The following FSIP2 variants were observed in gnomAD, a reference collection of about 807,000 sequenced individuals.
FSIP2 encodes the protein fibrous sheath interacting protein 2.
In FSIP2, 367 loss-of-function variants were observed where a neutral mutation model predicts 510.5. That is an observed-to-expected ratio of 0.72 (90% confidence interval 0.66 to 0.78). The LOEUF (loss-of-function observed/expected upper bound fraction) is 0.78, where lower values mean the gene tolerates loss of function less well. Ranked by LOEUF, FSIP2 falls within the 30% of genes least tolerant of loss-of-function variation. The probability of loss-of-function intolerance (pLI) is 0.00; values close to 1 mark genes in which losing one functional copy is unlikely to be tolerated. For missense variants in FSIP2, 7,594 were observed against 7,901.7 expected (o/e 0.96, Z 1.48); for synonymous variants, 2,601 against 2,732.2 (o/e 0.95, Z 1.50).
Position 185,808,974 on chromosome 2 carries a change from G to A in FSIP2, c.19668G>A (p.Gln6556=), listed in dbSNP as rs1693663040. The A allele has an allele frequency of 6.2e-7, 1 of 1,611,956 alleles. No homozygotes were observed. The highest frequency in any genetic ancestry group is 8.5e-7 in the Non-Finnish European group (1 of 1,179,276). The change falls in exon 17 of 23, where the codon CAG becomes CAA. Residue 6556 remains glutamine, a synonymous_variant. Coordinates refer to ENST00000424728, the MANE Select transcript of FSIP2 (RefSeq NM_173651.4). ...IKTQPLEKLK[Q]ECLKRTGHSI... ...CTCAACCTCTTGAGAAACTTAAGCA[G>A]GAGTGTTTGAAAAGAACTGGACATA...
Position 185,799,838 on chromosome 2 carries a change from C to A in FSIP2, c.10532C>A (p.Thr3511Asn). 6.5e-7 allele frequency: 1 copy of A among 1,532,608 alleles called. No individual in the cohort carries two copies. Among genetic ancestry groups the A allele is most frequent in the Non-Finnish European group, 8.7e-7 (1 of 1,144,572 alleles). 94.9% of individuals were successfully genotyped at this position (1,532,608 alleles called of 1,614,324 possible). Reference protein sequence around the residue: ...HLTESVLYHLTSSISDGTKKG... With the variant: ...HLTESVLYHLNSSISDGTKKG... Reference sequence around the variant, plus strand: ...ACTGAGTCAGTACTTTACCATTTAACTTCGAGCATTTCTGATGGCACCAAA... The same window carrying A: ...ACTGAGTCAGTACTTTACCATTTAAATTCGAGCATTTCTGATGGCACCAAA... The change falls in exon 17 of 23, where the codon ACT becomes AAT. Residue 3511 changes from threonine (T) to asparagine (N), a missense_variant. Coordinates refer to ENST00000424728, the MANE Select transcript of FSIP2 (RefSeq NM_173651.4).
chr2:185,827,628 C>CT (rs1252347653), intron 20 of FSIP2, among the ~76,000 whole-genome samples: 2 of 151,896 alleles, frequency 1.3e-5, no homozygotes, highest in East Asian at 3.9e-4. Context: ...ATTCAGACAA[C>CT]TTTTGGTTCT....
At chr2:185,798,741 TAAAC>T (rs1488087787) in intron 16 of FSIP2, among the ~76,000 whole-genome samples, 2 of 151,740 alleles carry the variant, frequency 1.3e-5, no homozygotes, top group Non-Finnish European at 2.9e-5. Flanking sequence ...TTCAGAAAAA[TAAAC>T]AAAAGCAAAA....
At chr2:185,752,627 C>CCATG (rs1160476314) in intron 7 of FSIP2, among the ~76,000 whole-genome samples, 1 of 151,340 alleles carries the variant, frequency 6.6e-6, no homozygotes, top group Non-Finnish European at 1.5e-5. Flanking sequence ...ATTAATACAT[C>CCATG]CATGGTATTG....
rs1457664747 is a variant in FSIP2 at position 185,800,913 on chromosome 2, A to C, written c.11607A>C (p.Ala3869=). The change falls in exon 17 of 23, where the codon GCA becomes GCC. Residue 3869 remains alanine, a synonymous_variant. Coordinates refer to ENST00000424728, the MANE Select transcript of FSIP2 (RefSeq NM_173651.4). The part of the protein sequence containing the change: ...IQQAPESLPF[A]NKHLNYRTRE... ...AAGCTCCGGAAAGTCTACCTTTTGC[A>C]AATAAGCATTTGAACTACAGAACAA... 1 of 1,532,696 alleles carries C rather than the reference A, an allele frequency of 6.5e-7. No individual in the cohort carries two copies. The highest frequency in any genetic ancestry group is 1.2e-5 in the South Asian group (1 of 83,670). The allele number at this position is 1,532,696 out of a possible 1,614,324, so 94.9% of individuals were successfully genotyped here.
Position 185,793,308 on chromosome 2 carries a change from A to C in FSIP2, c.6172A>C (p.Asn2058His), listed in dbSNP as rs916512827. ...IISRKGKCDK[N>H]SSDKEIDLDQ... is the part of the protein sequence containing the mutation. ...ATCACGTAAAGGCAAATGTGACAAA[A>C]ACAGTTCTGACAAAGAGATCGATTT... Residue 2058 changes from asparagine to histidine, a missense_variant, in exon 16 of 23, where the codon AAC (asparagine) becomes CAC (histidine). Transcript: ENST00000424728. 6.5e-7 allele frequency: 1 copy of C among 1,534,316 alleles called. No homozygotes were observed. The highest frequency in any genetic ancestry group is 8.7e-7 in the Non-Finnish European group (1 of 1,145,664).
intron 1 of FSIP2, 106 bp downstream of exon 1, chr2:185,739,099 C>G (rs1691864476): frequency 2.2e-6 from 3 of 1,367,898 alleles, no homozygotes; most frequent in South Asian, 3.0e-5. Flanking sequence ...CAACTGTCCC[C>G]CGTCAGGAGG....
In FSIP2 at chr2:185,792,242, G is replaced by C. The variant is rs1173136492; in HGVS notation, c.5106G>C (p.Gly1702=). ...TGTTTAATGAAATGGAATCTGAAGG[G>C]GGAGGCATTGAAACTTATCGATACA... The part of the protein sequence containing the change: ...SDMFNEMESE[G]GGIETYRYRP... The change falls in exon 16 of 23, where the codon GGG becomes GGC. Residue 1702 remains glycine, a synonymous_variant. Transcript: ENST00000424728. 6.5e-7 allele frequency: 1 copy of C among 1,533,098 alleles called. No homozygotes were observed. Among genetic ancestry groups the C allele is most frequent in the East Asian group, 2.4e-5 (1 of 40,826 alleles). 95.0% of individuals were successfully genotyped at this position (1,533,098 alleles called of 1,614,324 possible). A position where few individuals can be genotyped will look rare whatever the true frequency, so the allele number is the denominator to read the frequency against.
intron 13 of FSIP2, among the ~76,000 whole-genome samples, chr2:185,780,835 C>T (rs1692834269): frequency 6.6e-6 from 1 of 152,060 alleles, no homozygotes. Flanking sequence ...TTTACATACG[C>T]TGCTGCCAGT....
rs778247356 is a variant in FSIP2, at chr2:185,770,870, C to T, written c.1411+6305C>T. 3.3e-5 allele frequency among the ~76,000 whole-genome samples: 5 copies of T among 152,176 alleles called. No homozygotes were observed. In the East Asian group the frequency reaches 5.8e-4, roughly 18 times the overall value. ...TTCTGAAATCAAAAACATGTTATTA[C>T]ATCCAAGATACTATGGTGGTACAGG... On this transcript the variant is annotated intron_variant, in intron 13 of 22. Coordinates refer to ENST00000424728, the MANE Select transcript of FSIP2 (RefSeq NM_173651.4).
rs1691877392 is a variant in FSIP2, at chr2:185,739,477, C to G, written c.225+6C>G. 6.7e-7 allele frequency: 1 copy of G among 1,494,452 alleles called. No individual in the cohort carries two copies. Among genetic ancestry groups the G allele is most frequent in the Non-Finnish European group, 8.9e-7 (1 of 1,125,836 alleles). 92.6% of individuals were successfully genotyped at this position (1,494,452 alleles called of 1,614,324 possible). On this transcript the variant is annotated splice_donor_region_variant and intron_variant, in intron 2 of 22. Coordinates refer to ENST00000424728, the MANE Select transcript of FSIP2 (RefSeq NM_173651.4). The stretch of plus-strand genomic sequence containing the variant: ...CTACGAATTTCGGTGAAAAGGTGAA[C>G]AAGTTTTTATCGTCTTTCTTTCCTT...
At chr2:185,742,861 T>C (rs1285584023) in intron 2 of FSIP2, among the ~76,000 whole-genome samples, 1 of 152,174 alleles carries the variant, frequency 6.6e-6, no homozygotes, top group Non-Finnish European at 1.5e-5. Context: ...TTTCCTCTTC[T>C]CTTTTCTTAT....
At chr2:185,819,393 T>C (rs13012220) in intron 19 of FSIP2, among the ~76,000 whole-genome samples, 47,638 of 151,636 alleles carry the variant, frequency 0.31, 7,792 homozygotes, top group Middle Eastern at 0.41. Context: ...TCAAAAGAGA[T>C]AGAATGACAA....
intron 7 of FSIP2, among the ~76,000 whole-genome samples, chr2:185,749,494 G>T (rs1692101282): frequency 2.0e-5 from 3 of 151,802 alleles, no homozygotes; most frequent in African/African-American, 7.3e-5. Context: ...TATTCATCTT[G>T]TGTCTTGCAT....
At position 185,800,500 on chromosome 2, in the gene FSIP2, A is replaced by T. The variant is rs1324462685; in HGVS notation, c.11194A>T (p.Asn3732Tyr). Residue 3732 changes from asparagine (N) to tyrosine (Y), a missense_variant, in exon 17 of 23, where the codon AAT becomes TAT. Physicochemically the swap from Asn to Tyr is moderately radical, Grantham distance 143. Coordinates refer to ENST00000424728, the MANE Select transcript of FSIP2 (RefSeq NM_173651.4). ...IQRTYFYSSN[N>Y]EQPNSILTNN... The stretch of plus-strand genomic sequence containing the variant: ...AAGAACATATTTCTACTCCTCGAAT[A>T]ATGAGCAACCTAATAGCATACTTAC... 6.5e-7 allele frequency: 1 copy of T among 1,533,336 alleles called. No homozygotes were observed. 95.0% of individuals were successfully genotyped at this position (1,533,336 alleles called of 1,614,324 possible). A position where few individuals can be genotyped will look rare whatever the true frequency, so the allele number is the denominator to read the frequency against.
chr2:185,801,385 C>T lies in FSIP2; in HGVS notation c.12079C>T (p.Arg4027Trp), dbSNP rs1038299138. Residue 4027 changes from arginine to tryptophan, a missense_variant, in exon 17 of 23, where the codon CGG becomes TGG. Arg to Trp is a moderately radical substitution (Grantham distance 101, BLOSUM62 -3). Transcript: ENST00000424728. ...EFNNAQVTVL[R>W]NAEERLCFPP... Reference sequence around the variant, plus strand: ...TAATAATGCTCAAGTCACTGTTCTACGGAATGCTGAAGAAAGGCTGTGTTT... The same window carrying T: ...TAATAATGCTCAAGTCACTGTTCTATGGAATGCTGAAGAAAGGCTGTGTTT... 1.7e-5 allele frequency: 26 copies of T among 1,533,996 alleles called. No individual in the cohort carries two copies. Among genetic ancestry groups the T allele is most frequent in the East Asian group, 7.3e-5 (3 of 40,828 alleles).
intron 8 of FSIP2, among the ~76,000 whole-genome samples, chr2:185,754,449 C>T (rs146832448): frequency 2.0e-5 from 3 of 151,414 alleles, no homozygotes; most frequent in Admixed American, 6.6e-5. Context: ...ATTTTCCATG[C>T]AGCTATTGTC....
intron 15 of FSIP2, chr2:185,788,246 T>TATC (rs1466804455): frequency 3.9e-5 from 6 of 152,806 alleles, no homozygotes; most frequent in Non-Finnish European, 5.8e-5. Context: ...ATATTTAATG[T>TATC]ATCTTTAAAA....
rs978263505 is a variant in FSIP2, at chr2:185,827,924, G to A, written c.20474-232G>A. Among the ~76,000 whole-genome samples, 7 of 151,904 alleles carry A rather than the reference G, an allele frequency of 4.6e-5. 1 individual carries two copies. In the South Asian group the frequency reaches 1.0e-3, roughly 22 times the overall value. Reference sequence around the variant, plus strand: ...TCTCCCACTATGTTACATTTCATCTGTCATAATTTCTAAATTTCTAACTGA... The same window carrying A: ...TCTCCCACTATGTTACATTTCATCTATCATAATTTCTAAATTTCTAACTGA... On this transcript the variant is annotated intron_variant, in intron 20 of 22. Transcript: ENST00000424728.
Sources: gnomAD v4.1 joint callset for allele counts (sites outside exome capture counted in the v4.1 genomes callset) on GRCh38, gnomAD v4.1.1 for gene constraint, MANE v1.5 for transcripts, NCBI Gene and HGNC (gene_info 2026-07-23, HGNC 2026-07-21) for gene names.